GCC2: variants seen among roughly 807,000 people sequenced by gnomAD.
The protein encoded by GCC2 is GRIP and coiled-coil domain containing 2, also known as GRIP and coiled-coil domain-containing protein 2.
A neutral mutation model predicts 210.6 loss-of-function variants in GCC2; 120 were observed. The ratio of observed to expected loss-of-function variants is 0.57; its 90% CI spans 0.49 to 0.66. GCC2 has a LOEUF of 0.66. Ranked by LOEUF, GCC2 falls within the 30% of genes least tolerant of loss-of-function variation. GCC2 has a pLI of 0.00. For missense variants in GCC2, 1,868 were observed against 1,871.9 expected, an observed-to-expected ratio of 1.00 and a Z score of 0.04; for synonymous variants, 703 against 652.7, an observed-to-expected ratio of 1.08 and a Z score of -1.17.
intron 7 of GCC2, among the ~76,000 whole-genome samples, chr2:108,474,252 T>G (rs764167244): frequency 6.6e-6 from 1 of 152,148 alleles, no homozygotes; most frequent in Middle Eastern, 3.4e-3. Context: ...CATGTAAACA[T>G]AGAGAAGATA....
rs200934785 is a variant in GCC2, at chr2:108,479,980, C to CAA, written c.3061-1689_3061-1688dup. Among the ~76,000 whole-genome samples, 55 of 114,524 alleles carry CAA rather than the reference C, an allele frequency of 4.8e-4. 1 individual carries two copies. Among genetic ancestry groups the CAA allele is most frequent in the African/African-American group, 1.2e-3 (33 of 27,266 alleles). 75.1% of individuals were successfully genotyped at this position (114,524 alleles called of 152,430 possible). On this transcript the variant is annotated intron_variant, in intron 9 of 22. Coordinates refer to ENST00000309863, the MANE Select transcript of GCC2 (RefSeq NM_181453.4). ...CTGGCGACAGAGCGAGACTCCATCTCAAAAAAAAAAAAAAAAAAAAAAAAA... is the reference window on the plus strand; with the variant it reads ...CTGGCGACAGAGCGAGACTCCATCTCAAAAAAAAAAAAAAAAAAAAAAAAAAA...
intron 16 of GCC2, 91 bp downstream of exon 16, chr2:108,486,739 G>T: frequency 8.3e-7 from 1 of 1,208,464 alleles, no homozygotes; most frequent in Non-Finnish European, 1.1e-6. Context: ...TGCCTTTTTA[G>T]TATTTTCCTG....
chr2:108,503,200 A>G (rs368207847), intron 22 of GCC2, among the ~76,000 whole-genome samples: 2 of 152,026 alleles, frequency 1.3e-5, no homozygotes, highest in Non-Finnish European at 2.9e-5. Context: ...TTCTAGTCAC[A>G]TAAGAGTAAA....
chr2:108,468,880 T>A (rs540329572), intron 4 of GCC2, 100 bp from the exon 5 acceptor site: 8 of 730,418 alleles, frequency 1.1e-5, no homozygotes, highest in Non-Finnish European at 4.9e-6. Flanking sequence ...AAATCTCTTA[T>A]TCTCACTTCA....
At chr2:108,504,872 C>T (rs1034643908) in intron 22 of GCC2, among the ~76,000 whole-genome samples, 14 of 152,006 alleles carry the variant, frequency 9.2e-5, no homozygotes, top group East Asian at 3.9e-4. Flanking sequence ...TAAATAAAGA[C>T]GAAAAAAAAG....
chr2:108,475,993 G>A (rs1186898845), intron 9 of GCC2, 143 bp downstream of exon 9: 2 of 506,670 alleles, frequency 3.9e-6, no homozygotes, highest in East Asian at 7.1e-5. Context: ...GTTTTGGGGT[G>A]CAATGTAATA....
rs757912028 is a variant in GCC2 at position 108,470,086 on chromosome 2, A to G, written c.757A>G (p.Lys253Glu). ...QLKAIHQEEV[K>E]ELMCQIEASA... ...GAAAGCTATACACCAAGAAGAGGTGAAAGAGTTGATGTGCCAGATTGAAGC... is the reference window on the plus strand; with the variant it reads ...GAAAGCTATACACCAAGAAGAGGTGGAAGAGTTGATGTGCCAGATTGAAGC... The change falls in exon 6 of 23, where the codon AAA becomes GAA. Residue 253 changes from lysine (K) to glutamate (E), a missense_variant. Lys to Glu is a moderately conservative substitution (Grantham distance 56). Transcript: ENST00000309863. 1 of 1,613,744 alleles carries G rather than the reference A, an allele frequency of 6.2e-7. No individual in the cohort carries two copies. The highest frequency in any genetic ancestry group is 1.7e-5 in the Admixed American group (1 of 60,020).
At chr2:108,496,685 T>G (rs1168474688) in intron 20 of GCC2, 18 of 476,620 alleles carry the variant, frequency 3.8e-5, no homozygotes, top group Non-Finnish European at 6.1e-5. Flanking sequence ...GAAGAAGATG[T>G]GTAATAAAAC....
At chr2:108,474,507 G>GA (rs1174277109) in intron 7 of GCC2, among the ~76,000 whole-genome samples, 1 of 152,030 alleles carries the variant, frequency 6.6e-6, no homozygotes, top group Admixed American at 6.5e-5. Flanking sequence ...GTTGGTTCTA[G>GA]AAAAAAATGG....
At chr2:108,454,008 TGAGA>T (rs1395074206) in intron 4 of GCC2, among the ~76,000 whole-genome samples, 3 of 152,100 alleles carry the variant, frequency 2.0e-5, no homozygotes, top group East Asian at 1.9e-4. Flanking sequence ...TTATTTATTT[TGAGA>T]CAGAGTCTCG....
At chr2:108,475,943 C>T in intron 9 of GCC2, 93 bp downstream of exon 9, 1 of 619,772 alleles carries the variant, frequency 1.6e-6, no homozygotes, top group South Asian at 2.2e-5. Flanking sequence ...CTATTGTCAA[C>T]AAAACAATCA....
At chr2:108,499,340 T>C (rs1682801657) in intron 21 of GCC2, among the ~76,000 whole-genome samples, 1 of 151,854 alleles carries the variant, frequency 6.6e-6, no homozygotes, top group African/African-American at 2.4e-5. Flanking sequence ...GAGTTCCGGT[T>C]TTCATGTCAA....
chr2:108,507,864 C>T lies in GCC2; in HGVS notation c.*234C>T, dbSNP rs1407165430. On this transcript the variant is annotated 3_prime_UTR_variant, in exon 23 of 23. Transcript: ENST00000309863. ...TAACTCATGTGATTTCCCATGCATG[C>T]TGCCAGAATAAAACCACCAGGAATG... is the stretch of plus-strand genomic sequence containing the variant. The T allele has an allele frequency of 1.1e-5, 4 of 369,076 alleles. No homozygotes were observed. Among genetic ancestry groups the T allele is most frequent in the Admixed American group, 4.6e-5 (1 of 21,916 alleles). The allele number at this position is 369,076 out of a possible 1,614,324, so 22.9% of individuals were successfully genotyped here.
chr2:108,462,560 CT>C (rs1163723057), intron 4 of GCC2: 79 of 91,014 alleles, frequency 8.7e-4, no homozygotes, highest in Admixed American at 3.0e-3. Context: ...GACTTCGCTT[CT>C]TTTTTTTTTT....
At chr2:108,482,980 G>A (rs529258744) in intron 11 of GCC2, 82 bp from the exon 12 acceptor site, 20 of 739,708 alleles carry the variant, frequency 2.7e-5, no homozygotes, top group Middle Eastern at 2.5e-4. Flanking sequence ...ACGCCCGGCC[G>A]TCAGATTTAT....
In GCC2 at chr2:108,485,678, C is replaced by G; in HGVS notation, c.3656C>G (p.Thr1219Ser). 2.5e-6 allele frequency: 4 copies of G among 1,595,740 alleles called. No homozygotes were observed. Among genetic ancestry groups the G allele is most frequent in the Non-Finnish European group, 3.4e-6 (4 of 1,172,574 alleles). ...SSVQQYEEKN[T>S]KIKQLLVKTK... ...GTACAACAATATGAAGAAAAAAACA[C>G]CAAAATCAAGCAATTGCTTGTGAAA... The change falls in exon 14 of 23, where the codon ACC becomes AGC. Residue 1219 changes from threonine to serine, a missense_variant. Physicochemically the swap from Thr to Ser is moderately conservative, Grantham distance 58 (BLOSUM62 1). This residue lies in a region of GCC2 where 1,847 missense variants were observed against 1,765.2 expected (regional missense o/e 1.05). Transcript: ENST00000309863.
At chr2:108,475,902 C>CTAAGT in intron 9 of GCC2, 52 bp downstream of exon 9, 1 of 932,266 alleles carries the variant, frequency 1.1e-6, no homozygotes, top group Non-Finnish European at 1.7e-6. Flanking sequence ...ATAATAACTT[C>CTAAGT]TAAGTTAAGA....
At chr2:108,451,867 G>T (rs1679966509) in intron 3 of GCC2, among the ~76,000 whole-genome samples, 1 of 142,684 alleles carries the variant, frequency 7.0e-6, no homozygotes, top group Non-Finnish European at 1.5e-5. Flanking sequence ...TTTCAAGACG[G>T]AGTCTCGCTC....
intron 22 of GCC2, among the ~76,000 whole-genome samples, chr2:108,506,927 A>G (rs1683221119): frequency 6.6e-6 from 1 of 152,036 alleles, no homozygotes; most frequent in Non-Finnish European, 1.5e-5. Flanking sequence ...TCATTTCTGC[A>G]TGATTTTCAT....
Sources: gnomAD v4.1 joint callset for allele counts (sites outside exome capture counted in the v4.1 genomes callset) on GRCh38, gnomAD v4.1.1 for gene constraint, gnomAD v4.1.1 regional missense constraint, MANE v1.5 for transcripts, NCBI Gene and HGNC (gene_info 2026-07-23, HGNC 2026-07-21) for gene names.